KHDC1: variants seen among roughly 807,000 people sequenced by gnomAD.
KHDC1 encodes the protein KH homology domain-containing protein 1.
A neutral mutation model predicts 24.7 loss-of-function variants in KHDC1; 21 were observed. The observed-to-expected ratio is 0.85, with a 90% CI of 0.60 to 1.23. The LOEUF (loss-of-function observed/expected upper bound fraction) is 1.23. KHDC1 is among the 50% of genes most tolerant of loss of function. The pLI is 0.00. For missense variants in KHDC1, 274 were observed against 298.5 expected (o/e 0.92, Z 0.61); for synonymous variants, 98 against 111.7 (o/e 0.88, Z 0.77).
intron 2 of KHDC1, among the ~76,000 whole-genome samples, chr6:73,243,301 A>ATG (rs1766609634): frequency 6.6e-6 from 1 of 152,152 alleles, no homozygotes; most frequent in African/African-American, 2.4e-5. Flanking sequence ...GGTAGGGAAG[A>ATG]TTCAACTATG....
intron 2 of KHDC1, chr6:73,290,751 T>A (rs2150727152): frequency 2.8e-6 from 1 of 354,144 alleles, no homozygotes. Flanking sequence ...TCCAATCATC[T>A]TCTGCCACCC....
chr6:73,290,477 C>A, intron 2 of KHDC1: 1 of 358,926 alleles, frequency 2.8e-6, no homozygotes. Context: ...AATGATAGTA[C>A]ATCTAAAAAT....
intron 1 of KHDC1, chr6:73,300,715 C>T (rs956346037): frequency 4.6e-5 from 7 of 152,154 alleles, no homozygotes; most frequent in Non-Finnish European, 1.0e-4. Context: ...GGTAAAATGT[C>T]AGTGGGTTGA....
intron 2 of KHDC1, among the ~76,000 whole-genome samples, chr6:73,245,037 G>A (rs1766640703): frequency 6.6e-6 from 1 of 152,194 alleles, no homozygotes; most frequent in Non-Finnish European, 1.5e-5. Context: ...AGAAGATTAA[G>A]ATAAAATATA....
chr6:73,243,861 C>G (rs765274423), intron 2 of KHDC1, among the ~76,000 whole-genome samples: 2 of 152,232 alleles, frequency 1.3e-5, no homozygotes, highest in Non-Finnish European at 2.9e-5. Flanking sequence ...CACCATGAAA[C>G]TTTAATTTAA....
intron 1 of KHDC1, chr6:73,292,775 G>A: frequency 1.4e-6 from 1 of 719,922 alleles, no homozygotes; most frequent in Non-Finnish European, 2.6e-6. Flanking sequence ...AAAAGATCTA[G>A]GTAAAGTTAC....
intron 1 of KHDC1, among the ~76,000 whole-genome samples, chr6:73,296,872 C>G (rs1767768635): frequency 6.6e-6 from 1 of 152,094 alleles, no homozygotes; most frequent in Non-Finnish European, 1.5e-5. Context: ...CAAAACTATT[C>G]TACGCAAACA....
chr6:73,289,623 C>A (rs1259267301), intron 2 of KHDC1, among the ~76,000 whole-genome samples: 2 of 151,296 alleles, frequency 1.3e-5, no homozygotes, highest in Non-Finnish European at 2.9e-5. Context: ...GCACTCCAGC[C>A]TGGGTGACAG....
chr6:73,290,634 C>A, intron 2 of KHDC1: 1 of 505,076 alleles, frequency 2.0e-6, no homozygotes, highest in Admixed American at 2.1e-5. Context: ...GCTGATGTGT[C>A]ATATCCTGCA....
chr6:73,278,837 C>T (rs1407566697), intron 2 of KHDC1, among the ~76,000 whole-genome samples: 1 of 152,152 alleles, frequency 6.6e-6, no homozygotes, highest in African/African-American at 2.4e-5. Context: ...TAGACCATAT[C>T]CCCCAAGGAT....
At chr6:73,257,440 C>A (rs115207552) in intron 2 of KHDC1, among the ~76,000 whole-genome samples, 1,644 of 152,338 alleles carry the variant, frequency 0.011, 21 homozygotes, top group African/African-American at 0.035. Context: ...AAGTCTCACT[C>A]TTTCGCCAGA....
rs1458218863 is a variant in KHDC1, at chr6:73,266,916, C to T, written c.207-24386G>A. Among the ~76,000 whole-genome samples, 3 of 152,180 alleles carry T rather than the reference C, an allele frequency of 2.0e-5. No individual in the cohort carries two copies. In the East Asian group the frequency reaches 5.8e-4, roughly 29 times the overall value. ...AATTGAAACATAAAGTAGCCAAGTG[C>T]ATTGGCACACACTTATAGTCCCTAC... On this transcript the variant is annotated intron_variant, in intron 2 of 4. Transcript: ENST00000370384.
At chr6:73,269,238 C>G (rs928169904) in intron 2 of KHDC1, 1 of 152,680 alleles carries the variant, frequency 6.5e-6, no homozygotes, top group African/African-American at 2.4e-5. Context: ...AGCCCCGGTT[C>G]CCGCTCGCGC....
At chr6:73,263,051 C>T in intron 2 of KHDC1, 1 of 706,296 alleles carries the variant, frequency 1.4e-6, no homozygotes, top group African/African-American at 2.2e-5. Flanking sequence ...GCGGCGGCGG[C>T]GGCGGCGGCG....
At chr6:73,242,208 C>G in exon 4 of KHDC1, 1 of 1,613,730 alleles carries the variant, frequency 6.2e-7, no homozygotes, top group Non-Finnish European at 8.5e-7. Flanking sequence ...CTGTGCACCT[C>G]AATGCAGCGA....
At chr6:73,263,321 T>C in intron 2 of KHDC1, 125 bp from the exon 1 acceptor site, 1 of 977,470 alleles carries the variant, frequency 1.0e-6, no homozygotes. Context: ...GCCCAGCAGC[T>C]CTTGAGTCCA....
At chr6:73,241,812 C>A in intron 4 of KHDC1, 84 bp from the exon 4 acceptor site, 1 of 1,454,268 alleles carries the variant, frequency 6.9e-7, no homozygotes, top group East Asian at 2.4e-5. Context: ...AGGGAGGCTG[C>A]AGGGAGGATG....
chr6:73,293,280 A>G, intron 1 of KHDC1: 1 of 611,884 alleles, frequency 1.6e-6, no homozygotes, highest in Non-Finnish European at 3.1e-6. Flanking sequence ...TCTACTGAAG[A>G]AACATAAGGA....
intron 2 of KHDC1, among the ~76,000 whole-genome samples, chr6:73,289,725 G>C (rs954254085): frequency 1.3e-5 from 2 of 152,122 alleles, no homozygotes; most frequent in Non-Finnish European, 2.9e-5. Context: ...ACTTTGGGAG[G>C]CTGAGTGGGG....
Sources: allele counts gnomAD v4.1 joint callset (sites outside exome capture counted in the v4.1 genomes callset), GRCh38; gene constraint gnomAD v4.1.1; transcripts MANE v1.5; gene names NCBI Gene and HGNC (gene_info 2026-07-23, HGNC 2026-07-21).